The following KNCN variants were observed in gnomAD, a reference collection of about 807,000 sequenced individuals.
KNCN encodes the protein kinocilin.
In KNCN, 11 loss-of-function variants were observed where a neutral mutation model predicts 10.4. The observed-to-expected ratio is 1.06, with a 90% CI of 0.67 to 1.75. The LOEUF is 1.75. Ranked by LOEUF, KNCN falls within the 40% of genes most tolerant of loss-of-function variation. KNCN has a pLI of 0.00. For synonymous variants in KNCN, 67 were observed against 71.6 expected, an observed-to-expected ratio of 0.94 and a Z score of 0.33; for missense variants, 172 against 167.1, an observed-to-expected ratio of 1.03 and a Z score of -0.16.
In KNCN at chr1:46,551,187, A is replaced by C. The variant is rs1667059504; in HGVS notation, c.29T>G (p.Phe10Cys). MDIPISSRD[F>C]RGLQLACVAL... The stretch of plus-strand genomic sequence containing the variant: ...CACGCAGGCCAGCTGCAGGCCGCGG[A>C]AGTCTCTGCTGCTGATGGGGATGTC... The change falls in exon 1 of 4, where the codon TTC (phenylalanine) becomes TGC (cysteine). Residue 10 changes from phenylalanine (F) to cysteine (C), a missense_variant. Physicochemically the swap from Phe to Cys is radical, Grantham distance 205. Coordinates refer to ENST00000481882, the MANE Select transcript of KNCN (RefSeq NM_001322255.2). This position sits in a 1 kb window ranked among gnomAD's most constrained non-coding sequence, Gnocchi z 4.0. 6.2e-7 allele frequency: 1 copy of C among 1,609,806 alleles called. No individual in the cohort carries two copies. The highest frequency in any genetic ancestry group is 8.5e-7 in the Non-Finnish European group (1 of 1,178,244).
At chr1:46,550,337 C>G (rs973399349) in intron 1 of KNCN, among the ~76,000 whole-genome samples, 2 of 152,056 alleles carry the variant, frequency 1.3e-5, no homozygotes, top group South Asian at 2.1e-4. Flanking sequence ...CCAGGGCCCC[C>G]AGGGCCGGAC....
At chr1:46,549,383 G>T in intron 2 of KNCN, 116 bp from the exon 3 acceptor site, 2 of 697,824 alleles carry the variant, frequency 2.9e-6, no homozygotes, top group South Asian at 2.1e-5. Context: ...TGCTGTCTTT[G>T]CTCCACTGCA....
chr1:46,550,748 C>T (rs368900571), intron 1 of KNCN, among the ~76,000 whole-genome samples: 27 of 152,288 alleles, frequency 1.8e-4, no homozygotes, highest in Admixed American at 8.5e-4. Flanking sequence ...CCCCCTGTTC[C>T]GCCCAGATAG....
intron 3 of KNCN, among the ~76,000 whole-genome samples, chr1:46,548,470 TC>T (rs908226179): frequency 3.3e-5 from 5 of 151,624 alleles, no homozygotes; most frequent in African/African-American, 4.8e-5. Context: ...CCCTGGCATG[TC>T]CCCCCCTCCC....
Position 46,550,004 on chromosome 1 carries a change from T to C in KNCN, c.152-2A>G. The C allele has an allele frequency of 6.4e-7, 1 of 1,550,510 alleles. No homozygotes were observed. The highest frequency in any genetic ancestry group is 8.7e-7 in the Non-Finnish European group (1 of 1,146,920). Reference sequence around the variant, plus strand: ...AGGGGTAGGCCAAGATGAGGAGCCCTGAGAAGAGACACAGGGGGTTCTGTG... The same window carrying C: ...AGGGGTAGGCCAAGATGAGGAGCCCCGAGAAGAGACACAGGGGGTTCTGTG... On this transcript the variant is annotated splice_acceptor_variant, in intron 1 of 3. Transcript: ENST00000481882. LOFTEE classifies it high-confidence loss of function.
intron 3 of KNCN, among the ~76,000 whole-genome samples, chr1:46,548,511 G>A (rs996568693): frequency 2.0e-5 from 3 of 152,152 alleles, no homozygotes; most frequent in African/African-American, 4.8e-5. Flanking sequence ...CCTGGGCACT[G>A]GGAACCCCAG....
In KNCN at chr1:46,551,302, T is replaced by G; in HGVS notation, c.-87A>C. On this transcript the variant is annotated 5_prime_UTR_variant, in exon 1 of 4. Transcript: ENST00000481882. This position sits in a 1 kb window ranked among gnomAD's most constrained non-coding sequence, Gnocchi z 4.0. The stretch of plus-strand genomic sequence containing the variant: ...GTTTCTGGGCTCTTGGATGTCTCCT[T>G]GTTGGCGCTCCAACTTCAGGGTAGG... The G allele has an allele frequency of 6.8e-7, 1 of 1,477,052 alleles. No homozygotes were observed. The highest frequency in any genetic ancestry group is 9.1e-7 in the Non-Finnish European group (1 of 1,094,094). The allele number at this position is 1,477,052 out of a possible 1,614,324, so 91.5% of individuals were successfully genotyped here.
rs930289452 is a variant in KNCN, at chr1:46,546,163, T to G, written c.*1567A>C. On this transcript the variant is annotated 3_prime_UTR_variant, in exon 4 of 4. Coordinates refer to ENST00000481882, the MANE Select transcript of KNCN (RefSeq NM_001322255.2). ...AGATAGAGCCTTGGATAGGGAGAGA[T>G]AGGAGACCTGGCTGCAGGCCTGGCC... The G allele has an allele frequency of 4.6e-5, 7 of 152,234 alleles. No homozygotes were observed. Among genetic ancestry groups the G allele is most frequent in the Non-Finnish European group, 1.0e-4 (7 of 68,068 alleles). The allele number at this position is 152,234 out of a possible 1,614,324, so 9.4% of individuals were successfully genotyped here. A position where few individuals can be genotyped will look rare whatever the true frequency, so the allele number is the denominator to read the frequency against.
At chr1:46,549,642 G>A in intron 2 of KNCN, 1 of 563,594 alleles carries the variant, frequency 1.8e-6, no homozygotes, top group Non-Finnish European at 3.2e-6. Context: ...GGATGGAGAG[G>A]GAGTTATTTA....
intron 3 of KNCN, among the ~76,000 whole-genome samples, chr1:46,548,397 G>T (rs75188996): frequency 0.054 from 8,268 of 152,064 alleles, 619 homozygotes; most frequent in East Asian, 0.27. Context: ...TTTAAACTGG[G>T]GTGGTTAAAG....
chr1:46,549,690 A>T, intron 2 of KNCN: 2 of 625,444 alleles, frequency 3.2e-6, no homozygotes, highest in South Asian at 4.1e-5. Context: ...AAAATCTCTC[A>T]AGGGAGATGA....
chr1:46,547,532 A>C lies in KNCN; in HGVS notation c.*198T>G, dbSNP rs1230957958. 1 of 706,306 alleles carries C rather than the reference A, an allele frequency of 1.4e-6. No individual in the cohort carries two copies. The highest frequency in any genetic ancestry group is 2.6e-6 in the Non-Finnish European group (1 of 384,770). 43.8% of individuals were successfully genotyped at this position (706,306 alleles called of 1,614,324 possible). On this transcript the variant is annotated 3_prime_UTR_variant, in exon 4 of 4. Coordinates refer to ENST00000481882, the MANE Select transcript of KNCN (RefSeq NM_001322255.2). ...GACACCTTGCTCCAGGTCCCAGCCC[A>C]CACCAGTGGAATCCATTTTGGAGAG...
chr1:46,550,146 G>T, intron 1 of KNCN, 144 bp from the exon 2 acceptor site: 1 of 1,462,620 alleles, frequency 6.8e-7, no homozygotes. Context: ...GACTGTGAGT[G>T]TGTAAATGTG....
intron 2 of KNCN, chr1:46,549,607 T>A: frequency 1.8e-6 from 1 of 545,220 alleles, no homozygotes; most frequent in Non-Finnish European, 3.3e-6. Flanking sequence ...TTAGGGGAAA[T>A]AGAGGGTCTT....
At chr1:46,548,350 T>G (rs751867686) in intron 3 of KNCN, among the ~76,000 whole-genome samples, 1 of 151,822 alleles carries the variant, frequency 6.6e-6, no homozygotes, top group South Asian at 2.1e-4. Flanking sequence ...AGGTGTGGGG[T>G]GGAAGAACAA....
At position 46,546,011 on chromosome 1, in the gene KNCN, TTC is replaced by T. The variant is rs1557803595; in HGVS notation, c.*1717_*1718del. The T allele has an allele frequency of 6.6e-6, 1 of 152,288 alleles. No individual in the cohort carries two copies. The highest frequency in any genetic ancestry group is 1.5e-5 in the Non-Finnish European group (1 of 68,074). The allele number at this position is 152,288 out of a possible 1,614,324, so 9.4% of individuals were successfully genotyped here. A position where few individuals can be genotyped will look rare whatever the true frequency, so the allele number is the denominator to read the frequency against. ...GGGCAGTTCAAAGAGAGGAAGTTGC[TTC>T]TCTCAGCTGAAGGAAACGAAGTCTC... On this transcript the variant is annotated 3_prime_UTR_variant, in exon 4 of 4. Coordinates refer to ENST00000481882, the MANE Select transcript of KNCN (RefSeq NM_001322255.2).
At position 46,547,747 on chromosome 1, in the gene KNCN, C is replaced by A; in HGVS notation, c.358G>T (p.Gly120Trp). 3 of 1,483,798 alleles carry A rather than the reference C, an allele frequency of 2.0e-6. No homozygotes were observed. The highest frequency in any genetic ancestry group is 2.7e-6 in the Non-Finnish European group (3 of 1,117,438). The allele number at this position is 1,483,798 out of a possible 1,614,324, so 91.9% of individuals were successfully genotyped here. Residue 120 changes from glycine to tryptophan, a missense_variant, in exon 4 of 4, where the codon GGG becomes TGG. By Grantham distance (184) the Gly-to-Trp change is radical. Transcript: ENST00000481882. The part of the protein sequence containing the change: ...TLEKLKPGTR[G>W]AEEC ...ACTTTGCCTCAGCATTCCTCAGCCC[C>A]CCGGGTCCCCGGCTTCAGCTTCTCC...
chr1:46,550,417 C>T (rs1429719946), intron 1 of KNCN, among the ~76,000 whole-genome samples: 1 of 152,144 alleles, frequency 6.6e-6, no homozygotes, highest in African/African-American at 2.4e-5. Flanking sequence ...GCCAGTCCTG[C>T]CTTGCCCGCC....
chr1:46,550,905 G>C (rs1004969420), intron 1 of KNCN, among the ~76,000 whole-genome samples, 160 bp downstream of exon 1: 2 of 152,086 alleles, frequency 1.3e-5, no homozygotes, highest in Non-Finnish European at 2.9e-5. Context: ...CTCCTCTCCC[G>C]CCTGTGCCCC....
Sources: gnomAD v4.1 joint callset for allele counts (sites outside exome capture counted in the v4.1 genomes callset) on GRCh38, gnomAD v4.1.1 for gene constraint, Gnocchi (gnomAD v3.1) non-coding constraint, MANE v1.5 for transcripts, NCBI Gene and HGNC (gene_info 2026-07-23, HGNC 2026-07-21) for gene names.